The following NEK4 variants were observed in gnomAD, a reference collection of about 807,000 sequenced individuals.
NEK4 encodes the protein serine/threonine-protein kinase Nek4.
NEK4 carries 86 observed loss-of-function variants against 98.4 expected under a neutral mutation model. That is an observed-to-expected ratio of 0.87 (90% CI 0.73 to 1.05). The LOEUF (loss-of-function observed/expected upper bound fraction) is 1.05, where lower values mean the gene tolerates loss of function less well. Ranked by LOEUF, NEK4 falls within the 50% of genes least tolerant of loss-of-function variation. NEK4 has a pLI of 0.00. For missense variants in NEK4, 898 were observed against 950.3 expected, an observed-to-expected ratio of 0.94 and a Z score of 0.72; for synonymous variants, 328 against 342.2, an observed-to-expected ratio of 0.96 and a Z score of 0.46.
intron 5 of NEK4, among the ~76,000 whole-genome samples, chr3:52,762,014 G>T (rs142075996): frequency 6.6e-6 from 1 of 152,316 alleles, no homozygotes; most frequent in East Asian, 1.9e-4. Context: ...TGCTTGGTGG[G>T]AAATTATGTA....
intron 4 of NEK4, among the ~76,000 whole-genome samples, chr3:52,764,035 AG>A (rs1698456347): frequency 1.3e-5 from 2 of 152,388 alleles, no homozygotes; most frequent in South Asian, 4.1e-4. Context: ...CTGTAATCCC[AG>A]CACTTTGGGA....
At chr3:52,736,037 T>C (rs2097375352) in intron 15 of NEK4, among the ~76,000 whole-genome samples, 1 of 152,146 alleles carries the variant, frequency 6.6e-6, no homozygotes, top group Non-Finnish European at 1.5e-5. Context: ...ATATGAGAAG[T>C]GGAGGAAAAA....
chr3:52,761,590 C>CA (rs1698359784), intron 5 of NEK4, among the ~76,000 whole-genome samples: 1 of 152,010 alleles, frequency 6.6e-6, no homozygotes, highest in South Asian at 2.1e-4. Flanking sequence ...ATGGCCAAGT[C>CA]AATAGTAATA....
At chr3:52,752,760 T>A (rs1332396141) in intron 6 of NEK4, among the ~76,000 whole-genome samples, 3 of 148,538 alleles carry the variant, frequency 2.0e-5, no homozygotes, top group African/African-American at 7.5e-5. Flanking sequence ...ATTAGCCAGG[T>A]GTGGTGGTGC....
At chr3:52,740,977 G>A (rs534033709) in intron 13 of NEK4, among the ~76,000 whole-genome samples, 2 of 151,850 alleles carry the variant, frequency 1.3e-5, no homozygotes, top group South Asian at 2.1e-4. Context: ...GCTCACGCCT[G>A]TAATCCCAGC....
rs1199852192 is a variant in NEK4 at position 52,739,467 on chromosome 3, T to C, written c.2261A>G (p.Glu754Gly). Residue 754 changes from glutamate to glycine, a missense_variant, in exon 14 of 16, where the codon GAA becomes GGA. Coordinates refer to ENST00000233027, the MANE Select transcript of NEK4 (RefSeq NM_003157.6). ...TTTAAAATGGATTTCCTCTGCCTCTTCTGCAACCTTCCCATGAAGTATCAG... is the reference window on the plus strand; with the variant it reads ...TTTAAAATGGATTTCCTCTGCCTCTCCTGCAACCTTCCCATGAAGTATCAG... Reference protein sequence around the residue: ...DTLILHGKVAEEAEEIHFKEL... With the variant: ...DTLILHGKVAGEAEEIHFKEL... The C allele has an allele frequency of 6.2e-7, 1 of 1,614,094 alleles. No individual in the cohort carries two copies. Among genetic ancestry groups the C allele is most frequent in the African/African-American group, 1.3e-5 (1 of 74,948 alleles).
chr3:52,754,555 A>G (rs2097411324), intron 6 of NEK4: 2 of 1,349,590 alleles, frequency 1.5e-6, no homozygotes, highest in Non-Finnish European at 1.0e-6. Flanking sequence ...CCTTCTGTAC[A>G]TGATGAAGCC....
At chr3:52,742,093 A>G (rs2097387373) in intron 12 of NEK4, among the ~76,000 whole-genome samples, 1 of 152,168 alleles carries the variant, frequency 6.6e-6, no homozygotes, top group African/African-American at 2.4e-5. Flanking sequence ...GAAGTTTTAC[A>G]AAGGTCCTGG....
chr3:52,739,324 G>A (rs764086648), intron 14 of NEK4, 105 bp downstream of exon 14: 72 of 884,568 alleles, frequency 8.1e-5, no homozygotes, highest in East Asian at 1.2e-4. Flanking sequence ...GCTTGAACCC[G>A]GGAGGCAAAG....
intron 15 of NEK4, among the ~76,000 whole-genome samples, chr3:52,715,029 G>A (rs899314898): frequency 5.9e-5 from 9 of 152,336 alleles, no homozygotes; most frequent in Non-Finnish European, 7.4e-5. Flanking sequence ...CCTGGGCCCC[G>A]GGCAGGAGGC....
intron 15 of NEK4, chr3:52,732,474 C>T (rs191958926): frequency 3.5e-5 from 6 of 169,132 alleles, no homozygotes; most frequent in African/African-American, 4.8e-5. Flanking sequence ...GGATTACAGG[C>T]GTGAGCCACC....
At position 52,752,933 on chromosome 3, in the gene NEK4, T is replaced by TACACACAC. The variant is rs71087017; in HGVS notation, c.964-605_964-598dup. 2.6e-4 allele frequency among the ~76,000 whole-genome samples: 20 copies of TACACACAC among 75,552 alleles called. No individual in the cohort carries two copies. In the East Asian group the frequency reaches 3.0e-3, roughly 12 times the overall value. 49.6% of individuals were successfully genotyped at this position (75,552 alleles called of 152,430 possible). A position where few individuals can be genotyped will look rare whatever the true frequency, so the allele number is the denominator to read the frequency against. On this transcript the variant is annotated intron_variant, in intron 6 of 15. Transcript: ENST00000233027. ...AAAAAAAAAAATATATATATATATA[T>TACACACAC]ACACACACACACACACACACAATGG...
chr3:52,736,502 C>T (rs568821063), intron 15 of NEK4, among the ~76,000 whole-genome samples: 5 of 151,268 alleles, frequency 3.3e-5, no homozygotes, highest in Non-Finnish European at 7.4e-5. Context: ...AGGAGAATGG[C>T]GTGAACCAGG....
intron 7 of NEK4, among the ~76,000 whole-genome samples, chr3:52,751,283 G>A (rs978688995): frequency 1.3e-5 from 2 of 151,956 alleles, no homozygotes; most frequent in African/African-American, 4.8e-5. Flanking sequence ...GTGAAACCTC[G>A]TCTCTACTAA....
chr3:52,762,621 A>G (rs1481817586), intron 5 of NEK4, among the ~76,000 whole-genome samples: 1 of 152,214 alleles, frequency 6.6e-6, no homozygotes, highest in African/African-American at 2.4e-5. Flanking sequence ...AAGGTTCTTT[A>G]AAAAGTAAGT....
intron 1 of NEK4, among the ~76,000 whole-genome samples, chr3:52,770,177 T>G (rs1035768117): frequency 5.3e-5 from 8 of 152,090 alleles, no homozygotes; most frequent in Admixed American, 4.6e-4. Flanking sequence ...AGAGAAGGTT[T>G]GGCGGGAAGA....
At chr3:52,737,362 C>A (rs1006208059) in intron 15 of NEK4, 2 of 447,382 alleles carry the variant, frequency 4.5e-6, no homozygotes, top group Non-Finnish European at 7.9e-6. Flanking sequence ...TTTGGCAGTG[C>A]GGACCATGGG....
At chr3:52,753,594 G>C (rs1240659783) in intron 6 of NEK4, 4 of 567,260 alleles carry the variant, frequency 7.1e-6, no homozygotes, top group African/African-American at 5.7e-5. Context: ...ACATTGGCAG[G>C]GGATGCAAAA....
At chr3:52,757,884 T>C (rs1439104370) in intron 6 of NEK4, among the ~76,000 whole-genome samples, 1 of 151,958 alleles carries the variant, frequency 6.6e-6, no homozygotes, top group Non-Finnish European at 1.5e-5. Flanking sequence ...AGACAGAAAG[T>C]AGAATGGTGG....
Sources: gnomAD v4.1 joint callset for allele counts (sites outside exome capture counted in the v4.1 genomes callset) on GRCh38, gnomAD v4.1.1 for gene constraint, MANE v1.5 for transcripts, NCBI Gene and HGNC (gene_info 2026-07-23, HGNC 2026-07-21) for gene names.